Variants in LINGO2 observed in about 807,000 individuals in gnomAD.
The protein encoded by LINGO2 is leucine-rich repeat and immunoglobulin-like domain-containing nogo receptor-interacting protein 2.
LINGO2 carries 14 observed loss-of-function variants against 30.6 expected under a neutral mutation model. The ratio of observed to expected loss-of-function variants is 0.46; its 90% CI spans 0.30 to 0.72. LINGO2 has a LOEUF of 0.72. Among genes scored for constraint, LINGO2 ranks in the 30% least tolerant of loss-of-function variants. The pLI, the probability that LINGO2 is intolerant of heterozygous loss-of-function variation, is 0.07. For missense variants in LINGO2, 729 were observed against 751.7 expected (o/e 0.97, Z 0.35); for synonymous variants, 317 against 288.5 (o/e 1.10, Z -1.00).
At chr9:28,085,580 G>T (rs558609502) in intron 4 of LINGO2, among the ~76,000 whole-genome samples, 105 of 152,084 alleles carry the variant, frequency 6.9e-4, no homozygotes, top group Non-Finnish European at 1.3e-3. Context: ...CAAATGGACT[G>T]CCTTATTGGA....
At chr9:28,893,228 T>C in the LINGO2 span, among the ~76,000 whole-genome samples, 16 of 151,990 alleles carry the variant, frequency 1.1e-4, no homozygotes, top group African/African-American at 3.1e-4. Flanking sequence ...TTTTATTGCA[T>C]GAATTGGGAC....
the LINGO2 span, among the ~76,000 whole-genome samples, chr9:28,895,080 G>T: frequency 6.6e-6 from 1 of 152,016 alleles, no homozygotes; most frequent in African/African-American, 2.4e-5. Flanking sequence ...TGCTGCACCT[G>T]TCCCAAAGCC....
At chr9:28,037,999 A>G in intron 4 of LINGO2, among the ~76,000 whole-genome samples, 1 of 152,244 alleles carries the variant, frequency 6.6e-6, no homozygotes. Context: ...TTACACAGTG[A>G]ATAGTAACTG....
chr9:28,559,558 A>T (rs1268104027), intron 1 of LINGO2, among the ~76,000 whole-genome samples: 1 of 152,098 alleles, frequency 6.6e-6, no homozygotes, highest in Admixed American at 6.6e-5. Flanking sequence ...CCTTTGGTAT[A>T]TGACTGTGTA....
chr9:28,488,432 A>T (rs1826259037), intron 1 of LINGO2, among the ~76,000 whole-genome samples: 1 of 152,164 alleles, frequency 6.6e-6, no homozygotes, highest in Non-Finnish European at 1.5e-5. Flanking sequence ...AGAATCATCC[A>T]AAGTGAGTTA....
At chr9:28,635,925 T>A (rs2135906433) in intron 1 of LINGO2, among the ~76,000 whole-genome samples, 1 of 152,248 alleles carries the variant, frequency 6.6e-6, no homozygotes, top group African/African-American at 2.4e-5. Context: ...TAGCACCCAG[T>A]AACTCGTCAT....
At chr9:28,069,374 A>G (rs1369436878) in intron 4 of LINGO2, among the ~76,000 whole-genome samples, 1 of 152,200 alleles carries the variant, frequency 6.6e-6, no homozygotes, top group Non-Finnish European at 1.5e-5. Context: ...ACTATGAATG[A>G]CACCCTGAAG....
chr9:28,700,231 G>A, the LINGO2 span, among the ~76,000 whole-genome samples: 1 of 152,040 alleles, frequency 6.6e-6, no homozygotes, highest in Middle Eastern at 3.4e-3. Flanking sequence ...GACACTAAAG[G>A]AAAATGTAAA....
the LINGO2 span, among the ~76,000 whole-genome samples, chr9:28,904,878 C>T: frequency 6.6e-6 from 1 of 151,854 alleles, no homozygotes; most frequent in African/African-American, 2.4e-5. Context: ...CTGGAAGAGT[C>T]AAAGCATCTT....
the LINGO2 span, among the ~76,000 whole-genome samples, chr9:29,114,510 G>C: frequency 2.7e-5 from 4 of 149,808 alleles, no homozygotes; most frequent in Non-Finnish European, 4.4e-5. Flanking sequence ...CCATTAACTC[G>C]TCATTTACAT....
At chr9:29,143,232 T>C in the LINGO2 span, among the ~76,000 whole-genome samples, 2 of 152,074 alleles carry the variant, frequency 1.3e-5, no homozygotes, top group Admixed American at 1.3e-4. Flanking sequence ...ATTGTTACTG[T>C]TGTCCATTCT....
At chr9:28,136,947 C>T (rs1057138436) in intron 4 of LINGO2, among the ~76,000 whole-genome samples, 8 of 152,094 alleles carry the variant, frequency 5.3e-5, no homozygotes, top group Non-Finnish European at 2.9e-5. Context: ...TAGATTTTTC[C>T]GCCTAATGGT....
intron 1 of LINGO2, among the ~76,000 whole-genome samples, chr9:28,495,555 T>C (rs1315268081): frequency 2.0e-5 from 3 of 152,260 alleles, no homozygotes; most frequent in Admixed American, 1.3e-4. Flanking sequence ...CTGAGGGCTC[T>C]GTTCTGTTCC....
chr9:28,148,912 A>C lies in LINGO2; in HGVS notation c.-86-136507T>G. 1 of 1,533,892 alleles carries C rather than the reference A, an allele frequency of 6.5e-7. No homozygotes were observed. Among genetic ancestry groups the C allele is most frequent in the Non-Finnish European group, 8.7e-7 (1 of 1,146,612 alleles). On this transcript the variant is annotated intron_variant, in intron 4 of 5. Transcript: ENST00000379992. The surrounding 1 kb of genome is among the most constrained non-coding windows in gnomAD (Gnocchi z 5.1). Reference sequence around the variant, plus strand: ...CCAAGGATCCTGCAGCTCTTGGGTCAAGTAGGTCTTCTCCACACAGAGCTG... The same window carrying C: ...CCAAGGATCCTGCAGCTCTTGGGTCCAGTAGGTCTTCTCCACACAGAGCTG...
the LINGO2 span, among the ~76,000 whole-genome samples, chr9:28,912,318 T>C: frequency 1.3e-5 from 2 of 152,060 alleles, no homozygotes; most frequent in African/African-American, 4.8e-5. Flanking sequence ...ACTTTTCTTT[T>C]TTGCCTTTGT....
At chr9:28,387,813 G>T (rs1400107089) in intron 2 of LINGO2, among the ~76,000 whole-genome samples, 1 of 152,142 alleles carries the variant, frequency 6.6e-6, no homozygotes, top group African/African-American at 2.4e-5. Flanking sequence ...AAGGTCTGCA[G>T]CTTCACTCCT....
intron 4 of LINGO2, among the ~76,000 whole-genome samples, chr9:28,022,940 C>T (rs1823205634): frequency 6.6e-6 from 1 of 151,898 alleles, no homozygotes; most frequent in South Asian, 2.1e-4. Context: ...TGTTTCTTTT[C>T]TCAGCTGTGT....
At chr9:28,127,356 C>A (rs1587042273) in intron 4 of LINGO2, among the ~76,000 whole-genome samples, 1 of 152,136 alleles carries the variant, frequency 6.6e-6, no homozygotes, top group African/African-American at 2.4e-5. Context: ...GAGAGGCAGG[C>A]CCTGGAGGAT....
intron 4 of LINGO2, among the ~76,000 whole-genome samples, chr9:28,155,070 C>T (rs1828096469): frequency 6.6e-6 from 1 of 152,142 alleles, no homozygotes; most frequent in Non-Finnish European, 1.5e-5. Context: ...ACAAATCTTT[C>T]TGAGAGCATT....
Sources: allele counts gnomAD v4.1 joint callset (sites outside exome capture counted in the v4.1 genomes callset), GRCh38; gene constraint gnomAD v4.1.1; non-coding constraint Gnocchi (gnomAD v3.1); transcripts MANE v1.5; gene names NCBI Gene and HGNC (gene_info 2026-07-23, HGNC 2026-07-21).